The following IGF1R variants were observed in gnomAD, a reference collection of about 807,000 sequenced individuals.
IGF1R encodes the protein insulin-like growth factor 1 receptor.
A neutral mutation model predicts 144.6 loss-of-function variants in IGF1R; 44 were observed. The observed-to-expected ratio is 0.30, with a 90% CI of 0.24 to 0.39. The LOEUF is 0.39. Among genes scored for constraint, IGF1R ranks in the 10% least tolerant of loss-of-function variants. The probability of loss-of-function intolerance (pLI) is 1.00; values close to 1 mark genes in which losing one functional copy is unlikely to be tolerated. For synonymous variants in IGF1R, 795 were observed against 722.8 expected (o/e 1.10, Z -1.60); for missense variants, 1,355 against 1,833.7 (o/e 0.74, Z 4.77).
At chr15:98,703,902 C>G (rs1375038853) in intron 1 of IGF1R, among the ~76,000 whole-genome samples, 18 of 152,210 alleles carry the variant, frequency 1.2e-4, no homozygotes. Context: ...ACAGGTTGAG[C>G]CTGTCTAATC....
chr15:98,907,117 C>T (rs938558635), intron 5 of IGF1R, among the ~76,000 whole-genome samples: 1 of 152,224 alleles, frequency 6.6e-6, no homozygotes, highest in Non-Finnish European at 1.5e-5. Context: ...AAGGGATCTG[C>T]GCATGGCTGT....
chr15:98,718,626 G>C (rs945392326), intron 2 of IGF1R, among the ~76,000 whole-genome samples: 2 of 152,256 alleles, frequency 1.3e-5, no homozygotes, highest in Non-Finnish European at 2.9e-5. Flanking sequence ...CTTGGCAGCA[G>C]ATCTGTGAAC....
At chr15:98,821,070 G>A (rs2056792775) in intron 2 of IGF1R, 1 of 152,180 alleles carries the variant, frequency 6.6e-6, no homozygotes, top group Non-Finnish European at 1.5e-5. Context: ...GCAGCACTGA[G>A]TTACAAGAAG....
intron 2 of IGF1R, among the ~76,000 whole-genome samples, chr15:98,752,496 G>A (rs1178653611): frequency 2.6e-5 from 4 of 152,060 alleles, no homozygotes; most frequent in East Asian, 1.9e-4. Flanking sequence ...ATCCTAACGC[G>A]GTGAAACCCC....
chr15:98,738,306 G>A (rs1001277423), intron 2 of IGF1R, among the ~76,000 whole-genome samples: 1 of 152,178 alleles, frequency 6.6e-6, no homozygotes, highest in Non-Finnish European at 1.5e-5. Context: ...AATTAGCTGG[G>A]ACTGTTGGTG....
Position 98,948,450 on chromosome 15 carries a change from C to T in IGF1R, c.3588-124C>T, listed in dbSNP as rs550193955. On this transcript the variant is annotated intron_variant, in intron 19 of 20. Transcript: ENST00000650285. ...GCCCAGGGCCTGGCTCGCTGTCTGA[C>T]AAGCACTGTCACCATAGTAAGGACA... 39 of 1,024,792 alleles carry T rather than the reference C, an allele frequency of 3.8e-5. 1 individual carries two copies. In the South Asian group the frequency reaches 4.6e-4, roughly 12 times the overall value. The allele number at this position is 1,024,792 out of a possible 1,614,324, so 63.5% of individuals were successfully genotyped here.
Position 98,847,305 on chromosome 15 carries a change from G to A in IGF1R, c.641-44020G>A, listed in dbSNP as rs185171003. On this transcript the variant is annotated intron_variant, in intron 2 of 20. Coordinates refer to ENST00000650285, the MANE Select transcript of IGF1R (RefSeq NM_000875.5). ...GACAGTCCACTCTTTACAGGGGGGC[G>A]TCTTGGTATAAGTATGGAAAGCTCC... is the stretch of plus-strand genomic sequence containing the variant. Among the ~76,000 whole-genome samples, 10 of 152,246 alleles carry A rather than the reference G, an allele frequency of 6.6e-5. No homozygotes were observed. The East Asian group carries it at 1.5e-3, about 24-fold the overall frequency.
chr15:98,934,231 C>T (rs951584657), intron 15 of IGF1R, among the ~76,000 whole-genome samples: 40 of 152,042 alleles, frequency 2.6e-4, no homozygotes, highest in Admixed American at 2.6e-3. Flanking sequence ...TTAGATAGCC[C>T]AGGCATAGCA....
chr15:98,866,536 A>G (rs2012457789), intron 2 of IGF1R, among the ~76,000 whole-genome samples: 1 of 152,240 alleles, frequency 6.6e-6, no homozygotes, highest in Non-Finnish European at 1.5e-5. Context: ...ACGAAAATCT[A>G]ACTTCTGATA....
At chr15:98,852,538 G>GTAT (rs1418929248) in intron 2 of IGF1R, among the ~76,000 whole-genome samples, 2 of 152,214 alleles carry the variant, frequency 1.3e-5, no homozygotes, top group Non-Finnish European at 2.9e-5. Flanking sequence ...TGCAGCAGGA[G>GTAT]TATTAGGGAG....
rs144879129 is a variant in IGF1R at position 98,735,726 on chromosome 15, G to A, written c.640+27619G>A. Among the ~76,000 whole-genome samples, 735 of 152,320 alleles carry A rather than the reference G, an allele frequency of 4.8e-3. 27 individuals are homozygous for A. The highest frequency in any genetic ancestry group is 0.046 in the Admixed American group (708 of 15,300). On this transcript the variant is annotated intron_variant, in intron 2 of 20. Transcript: ENST00000650285. ...CAGAAATATATTTTGATGTGTGATC[G>A]CATTGGAGCTACTTCAAAGAGCAAA... is the stretch of plus-strand genomic sequence containing the variant.
intron 2 of IGF1R, among the ~76,000 whole-genome samples, chr15:98,795,977 A>G (rs61755878): frequency 1.0e-3 from 155 of 152,318 alleles, no homozygotes; most frequent in South Asian, 2.3e-3. Context: ...AACATCAACA[A>G]TACAGCCATC....
rs555996395 is a variant in IGF1R at position 98,710,455 on chromosome 15, G to T, written c.640+2348G>T. ...AGCCGCTTATTGAGTAAGCCACGTGGCTTATTGAGTACTTGAACTGTGGCT... is the reference window on the plus strand; with the variant it reads ...AGCCGCTTATTGAGTAAGCCACGTGTCTTATTGAGTACTTGAACTGTGGCT... On this transcript the variant is annotated intron_variant, in intron 2 of 20. Coordinates refer to ENST00000650285, the MANE Select transcript of IGF1R (RefSeq NM_000875.5). 2.4e-4 allele frequency among the ~76,000 whole-genome samples: 36 copies of T among 152,108 alleles called. No individual in the cohort carries two copies. The South Asian group carries it at 7.5e-3, about 32-fold the overall frequency.
chr15:98,923,280 G>A (rs971198915), intron 11 of IGF1R, among the ~76,000 whole-genome samples: 3 of 152,270 alleles, frequency 2.0e-5, no homozygotes, highest in Non-Finnish European at 4.4e-5. Flanking sequence ...AGGAGTTGGT[G>A]CCGGCAGGGA....
Position 98,963,449 on chromosome 15 carries a change from G to A in IGF1R, c.*6007G>A. On this transcript the variant is annotated 3_prime_UTR_variant, in exon 21 of 21. Coordinates refer to ENST00000650285, the MANE Select transcript of IGF1R (RefSeq NM_000875.5). ...CATTTTTTACTGGTCATTTCCCTTT[G>A]GAGTGTAGCTACTTTAACAGATGGA... The A allele has an allele frequency of 1.3e-5, 3 of 233,240 alleles. No individual in the cohort carries two copies. The highest frequency in any genetic ancestry group is 1.7e-5 in the Non-Finnish European group (2 of 118,046). 14.4% of individuals were successfully genotyped at this position (233,240 alleles called of 1,614,324 possible).
In IGF1R at chr15:98,964,362, T is replaced by TAAGA; in HGVS notation, c.*6922_*6925dup. ...CAAAATGTTTTTGTATATTCTGTTG[T>TAAGA]AAGAATTTATTCCTGTTATTGCGAT... On this transcript the variant is annotated 3_prime_UTR_variant, in exon 21 of 21. Transcript: ENST00000650285. 4.3e-6 allele frequency: 1 copy of TAAGA among 231,028 alleles called. No homozygotes were observed. Among genetic ancestry groups the TAAGA allele is most frequent in the Admixed American group, 5.6e-5 (1 of 17,730 alleles). 14.3% of individuals were successfully genotyped at this position (231,028 alleles called of 1,614,324 possible).
At chr15:98,691,164 C>A (rs914775484) in intron 1 of IGF1R, among the ~76,000 whole-genome samples, 1 of 152,048 alleles carries the variant, frequency 6.6e-6, no homozygotes, top group African/African-American at 2.4e-5. Context: ...ACCAGTTTTG[C>A]CCAATGTTCC....
intron 2 of IGF1R, among the ~76,000 whole-genome samples, chr15:98,844,606 TTAAC>T (rs1451811711): frequency 4.0e-5 from 6 of 151,068 alleles, no homozygotes; most frequent in African/African-American, 1.2e-4. Context: ...GTTTTGCTGA[TTAAC>T]TATATTTGTG....
At chr15:98,764,251 A>T (rs2055378714) in intron 2 of IGF1R, among the ~76,000 whole-genome samples, 1 of 152,222 alleles carries the variant, frequency 6.6e-6, no homozygotes, top group Non-Finnish European at 1.5e-5. Context: ...AGAAAAAGTC[A>T]CAGAAAATCT....
Sources: allele counts gnomAD v4.1 joint callset (sites outside exome capture counted in the v4.1 genomes callset), GRCh38; gene constraint gnomAD v4.1.1; transcripts MANE v1.5; gene names NCBI Gene and HGNC (gene_info 2026-07-23, HGNC 2026-07-21).